SVIL: variants seen among roughly 807,000 people sequenced by gnomAD.
SVIL encodes supervillin, also known as archvillin.
Under a neutral mutation model 240.4 loss-of-function variants are expected in SVIL, and 101 were observed. The ratio of observed to expected loss-of-function variants is 0.42; its 90% confidence interval spans 0.36 to 0.50. The LOEUF is 0.50. Among genes scored for constraint, SVIL ranks in the 20% least tolerant of loss-of-function variants. The pLI, the probability that SVIL is intolerant of heterozygous loss-of-function variation, is 0.01. For missense variants in SVIL, 2,512 were observed against 2,818.7 expected (o/e 0.89, Z 2.46); for synonymous variants, 999 against 1,100.0 (o/e 0.91, Z 1.82).
At chr10:29,514,490 T>C (rs896935424) in intron 16 of SVIL, among the ~76,000 whole-genome samples, 8 of 152,154 alleles carry the variant, frequency 5.3e-5, no homozygotes, top group Non-Finnish European at 7.3e-5. Flanking sequence ...AATTCTTCCA[T>C]GTCAGCCTCC....
chr10:29,601,818 T>G (rs1454465699), intron 1 of SVIL, among the ~76,000 whole-genome samples: 1 of 152,252 alleles, frequency 6.6e-6, no homozygotes, highest in Non-Finnish European at 1.5e-5. Flanking sequence ...CTTCTGATTC[T>G]GCTACCAGGT....
chr10:29,548,295 T>G (rs1220423339), intron 6 of SVIL, among the ~76,000 whole-genome samples: 2 of 152,314 alleles, frequency 1.3e-5, no homozygotes, highest in South Asian at 2.1e-4. Flanking sequence ...ATCTTTTTTT[T>G]CAGAATGAAT....
intron 3 of SVIL, among the ~76,000 whole-genome samples, chr10:29,561,038 G>A (rs190003456): frequency 0.016 from 2,352 of 151,378 alleles, 66 homozygotes; most frequent in African/African-American, 0.054. Flanking sequence ...AGCCAGGATG[G>A]TCTCGATCTC....
chr10:29,705,922 A>G (rs1962860366), intron 1 of SVIL, among the ~76,000 whole-genome samples: 1 of 152,186 alleles, frequency 6.6e-6, no homozygotes, highest in Non-Finnish European at 1.5e-5. Flanking sequence ...TGACTTTGCT[A>G]TTGTAAATAG....
chr10:29,522,613 A>G lies in SVIL; in HGVS notation c.3186T>C (p.Thr1062=). The change falls in exon 16 of 38, where the codon ACT becomes ACC. Residue 1062 remains threonine, a synonymous_variant. Coordinates refer to ENST00000355867, the MANE Select transcript of SVIL (RefSeq NM_021738.3). ...CAGCAGCTGTCCCCGTCTGCTCGGA[A>G]GTGGGCTCCCCGAACTCTGCCGCTG... ...SLRAAEFGEP[T]SEQTGTAAGK... The G allele has an allele frequency of 6.2e-7, 1 of 1,614,142 alleles. No homozygotes were observed. The highest frequency in any genetic ancestry group is 8.5e-7 in the Non-Finnish European group (1 of 1,180,024).
At chr10:29,542,849 G>A (rs1039897059) in intron 6 of SVIL, among the ~76,000 whole-genome samples, 6 of 152,158 alleles carry the variant, frequency 3.9e-5, no homozygotes, top group African/African-American at 1.4e-4. Context: ...AGTGGCATCT[G>A]TGGGACTCCT....
intron 1 of SVIL, among the ~76,000 whole-genome samples, chr10:29,572,763 C>CAAAAAAAAAAAA (rs375180538): frequency 1.5e-4 from 12 of 81,146 alleles, no homozygotes; most frequent in East Asian, 3.8e-4. Flanking sequence ...GATCCTATCT[C>CAAAAAAAAAAAA]AAAAAAAAAA....
chr10:29,680,571 G>A (rs1050594632), intron 2 of SVIL, among the ~76,000 whole-genome samples: 2 of 152,208 alleles, frequency 1.3e-5, no homozygotes, highest in African/African-American at 2.4e-5. Flanking sequence ...TATTTATGCT[G>A]TAAAAAGTGT....
chr10:29,622,823 GCAC>G (rs1405552505), intron 1 of SVIL, among the ~76,000 whole-genome samples: 4 of 152,190 alleles, frequency 2.6e-5, no homozygotes, highest in African/African-American at 7.2e-5. Flanking sequence ...GGAATTCAAA[GCAC>G]CTCCATGCAA....
At chr10:29,521,682 G>C (rs1213711805) in intron 16 of SVIL, among the ~76,000 whole-genome samples, 1 of 152,096 alleles carries the variant, frequency 6.6e-6, no homozygotes, top group Non-Finnish European at 1.5e-5. Flanking sequence ...TGCATCTTTT[G>C]CTGCTTAATT....
At chr10:29,555,328 ACACACACACACACACATG>A (rs1270156181) in intron 3 of SVIL, among the ~76,000 whole-genome samples, 18 of 137,172 alleles carry the variant, frequency 1.3e-4, no homozygotes, top group African/African-American at 4.5e-4. Context: ...ACACACACAC[ACACACACACACACACATG>A]GACACACCCT....
chr10:29,627,533 G>A (rs1382469770), intron 1 of SVIL, among the ~76,000 whole-genome samples: 1 of 151,912 alleles, frequency 6.6e-6, no homozygotes, highest in African/African-American at 2.4e-5. Context: ...GGACTTTTGG[G>A]GAGGTAGGTG....
chr10:29,605,125 T>G (rs1956971892), intron 1 of SVIL, among the ~76,000 whole-genome samples: 1 of 152,216 alleles, frequency 6.6e-6, no homozygotes, highest in African/African-American at 2.4e-5. Context: ...CTCTTAGCAA[T>G]GTGCTTTGGA....
intron 17 of SVIL, among the ~76,000 whole-genome samples, chr10:29,506,709 AGGG>A (rs1564535219): frequency 8.5e-5 from 9 of 106,204 alleles, no homozygotes; most frequent in African/African-American, 3.1e-4. Context: ...CCTACGAGGG[AGGG>A]GATAGAGACT....
At chr10:29,512,145 C>T (rs1221994752) in intron 17 of SVIL, among the ~76,000 whole-genome samples, 6 of 152,216 alleles carry the variant, frequency 3.9e-5, no homozygotes, top group African/African-American at 1.4e-4. Context: ...TGTGATTTAA[C>T]AATTCATCAA....
At chr10:29,718,055 C>T (rs1189951210) in intron 1 of SVIL, among the ~76,000 whole-genome samples, 1 of 152,102 alleles carries the variant, frequency 6.6e-6, no homozygotes, top group East Asian at 1.9e-4. Flanking sequence ...TGGCCAGGCG[C>T]AGTGGCTCAC....
At chr10:29,642,603 C>A (rs949448990) in intron 3 of SVIL, among the ~76,000 whole-genome samples, 7 of 152,160 alleles carry the variant, frequency 4.6e-5, no homozygotes, top group Non-Finnish European at 1.0e-4. Flanking sequence ...CAGGACCTAG[C>A]AACATGTGCC....
chr10:29,621,238 A>G (rs1297601711), intron 1 of SVIL, among the ~76,000 whole-genome samples: 1 of 152,250 alleles, frequency 6.6e-6, no homozygotes, highest in Admixed American at 6.5e-5. Flanking sequence ...TGCCTGTGGT[A>G]TTCTGTACCC....
intron 14 of SVIL, 61 bp from the exon 15 acceptor site, chr10:29,524,088 G>C (rs1390271546): frequency 2.1e-6 from 3 of 1,461,126 alleles, no homozygotes; most frequent in African/African-American, 1.4e-5. Flanking sequence ...TATAAATCCT[G>C]GTTTATGAAT....
Sources: gnomAD v4.1 joint callset for allele counts (sites outside exome capture counted in the v4.1 genomes callset) on GRCh38, gnomAD v4.1.1 for gene constraint, MANE v1.5 for transcripts, NCBI Gene and HGNC (gene_info 2026-07-23, HGNC 2026-07-21) for gene names.